GPC6: variants seen among roughly 807,000 people sequenced by gnomAD.
GPC6 encodes glypican-6.
GPC6 carries 14 observed loss-of-function variants against 55.2 expected under a neutral mutation model. The observed-to-expected ratio is 0.25, with a 90% CI of 0.17 to 0.40. GPC6 has a LOEUF of 0.40. Ranked by LOEUF, GPC6 falls within the 10% of genes least tolerant of loss-of-function variation. The pLI, the probability that GPC6 is intolerant of heterozygous loss-of-function variation, is 1.00. For missense variants in GPC6, 641 were observed against 708.5 expected (o/e 0.90, Z 1.08); for synonymous variants, 278 against 259.6 (o/e 1.07, Z -0.68).
At chr13:93,633,195 A>C (rs1879534439) in intron 2 of GPC6, among the ~76,000 whole-genome samples, 1 of 152,192 alleles carries the variant, frequency 6.6e-6, no homozygotes, top group African/African-American at 2.4e-5. Flanking sequence ...ATGTGACTTC[A>C]AGGTAACTGA....
At chr13:93,827,181 T>G (rs1188525799) in intron 2 of GPC6, among the ~76,000 whole-genome samples, 3 of 152,342 alleles carry the variant, frequency 2.0e-5, no homozygotes, top group Admixed American at 1.3e-4. Flanking sequence ...TGCTTTGTCC[T>G]CTTCCATTAA....
At chr13:93,939,841 A>G (rs1032403137) in intron 3 of GPC6, among the ~76,000 whole-genome samples, 6 of 152,294 alleles carry the variant, frequency 3.9e-5, no homozygotes, top group African/African-American at 1.4e-4. Context: ...TGTATTATAT[A>G]CATTATCATA....
intron 3 of GPC6, among the ~76,000 whole-genome samples, chr13:93,883,759 C>T (rs1279402722): frequency 6.6e-6 from 1 of 151,994 alleles, no homozygotes; most frequent in Non-Finnish European, 1.5e-5. Context: ...TTTTGACTGC[C>T]AGGTGACTGT....
At position 94,398,482 on chromosome 13, in the gene GPC6, A is replaced by G; in HGVS notation, c.1306A>G (p.Met436Val). 6.2e-7 allele frequency: 1 copy of G among 1,613,514 alleles called. No individual in the cohort carries two copies. Among genetic ancestry groups the G allele is most frequent in the Non-Finnish European group, 8.5e-7 (1 of 1,179,440 alleles). Residue 436 changes from methionine (M) to valine (V), a missense_variant, in exon 8 of 9, where the codon ATG becomes GTG. Met to Val is a conservative substitution (Grantham distance 21). Coordinates refer to ENST00000377047, the MANE Select transcript of GPC6 (RefSeq NM_005708.5). ...HSKARYLPEI[M>V]NDGLTNQINN... ...GCCTTGCAGATACTTGCCTGAGATC[A>G]TGAATGATGGGCTCACCAACCAGAT...
intron 1 of GPC6, among the ~76,000 whole-genome samples, chr13:93,362,025 C>G (rs1207753486): frequency 6.6e-6 from 1 of 152,184 alleles, no homozygotes; most frequent in East Asian, 1.9e-4. Context: ...TGAAGGAGAA[C>G]TGTGTTTTGT....
At chr13:93,911,379 G>A (rs1326537613) in intron 3 of GPC6, among the ~76,000 whole-genome samples, 4 of 150,988 alleles carry the variant, frequency 2.6e-5, no homozygotes, top group East Asian at 2.0e-4. Flanking sequence ...TTTATAGAAC[G>A]TAACTACCAT....
chr13:94,342,969 G>A (rs1357584834), intron 6 of GPC6, among the ~76,000 whole-genome samples: 1 of 152,174 alleles, frequency 6.6e-6, no homozygotes, highest in Non-Finnish European at 1.5e-5. Context: ...TCACCCTGAA[G>A]TATGAGGTTT....
intron 2 of GPC6, among the ~76,000 whole-genome samples, chr13:93,562,774 T>C (rs1875879063): frequency 6.6e-6 from 1 of 152,144 alleles, no homozygotes; most frequent in African/African-American, 2.4e-5. Context: ...CCAGGCCCTA[T>C]TTTAGGTGCT....
intron 1 of GPC6, among the ~76,000 whole-genome samples, chr13:93,294,231 A>G (rs370010607): frequency 4.1e-4 from 63 of 152,336 alleles, no homozygotes; most frequent in African/African-American, 1.4e-3. Context: ...GTTTTGACAA[A>G]TGTCTACATT....
intron 4 of GPC6, among the ~76,000 whole-genome samples, chr13:94,133,186 C>G (rs1235585197): frequency 8.3e-6 from 1 of 120,188 alleles, no homozygotes; most frequent in Non-Finnish European, 1.9e-5. Flanking sequence ...AAGAATTAGA[C>G]AACGACTATA....
At chr13:93,577,766 A>G (rs2139483890) in intron 2 of GPC6, among the ~76,000 whole-genome samples, 1 of 152,088 alleles carries the variant, frequency 6.6e-6, no homozygotes, top group South Asian at 2.1e-4. Context: ...GAGTGGTGAA[A>G]GTGGACATCC....
At chr13:93,736,022 C>G (rs1244427522) in intron 2 of GPC6, among the ~76,000 whole-genome samples, 1 of 152,200 alleles carries the variant, frequency 6.6e-6, no homozygotes, top group Non-Finnish European at 1.5e-5. Flanking sequence ...AGTATACATC[C>G]TGAAAAGGAT....
At chr13:94,369,691 A>T (rs943188539) in intron 6 of GPC6, among the ~76,000 whole-genome samples, 6 of 152,218 alleles carry the variant, frequency 3.9e-5, no homozygotes, top group African/African-American at 1.4e-4. Flanking sequence ...CATTTAAGAC[A>T]ATAGTAGTCT....
At chr13:93,492,514 TC>T (rs1331963489) in intron 1 of GPC6, among the ~76,000 whole-genome samples, 1 of 150,034 alleles carries the variant, frequency 6.7e-6, no homozygotes, top group Non-Finnish European at 1.5e-5. Flanking sequence ...ACCCTTTATT[TC>T]CTTCTCCTGC....
chr13:94,163,712 G>A (rs1007855303), intron 4 of GPC6, among the ~76,000 whole-genome samples: 3 of 152,188 alleles, frequency 2.0e-5, no homozygotes, highest in African/African-American at 7.2e-5. Context: ...GGGCTGGGTG[G>A]TTCAAGAGAG....
chr13:93,793,671 A>T (rs1566538846), intron 2 of GPC6, among the ~76,000 whole-genome samples: 1 of 152,206 alleles, frequency 6.6e-6, no homozygotes, highest in Non-Finnish European at 1.5e-5. Flanking sequence ...ATTCCTAATA[A>T]CTACTTTTAT....
At chr13:93,322,906 A>T (rs1879508491) in intron 1 of GPC6, among the ~76,000 whole-genome samples, 1 of 151,972 alleles carries the variant, frequency 6.6e-6, no homozygotes. Context: ...CGTCATCTAC[A>T]TTAGGTATTT....
At chr13:93,678,212 A>G (rs1455116521) in intron 2 of GPC6, among the ~76,000 whole-genome samples, 1 of 152,096 alleles carries the variant, frequency 6.6e-6, no homozygotes, top group East Asian at 1.9e-4. Flanking sequence ...ACTTTTTTCT[A>G]AGGTGGCTTT....
chr13:94,018,919 G>GT, intron 3 of GPC6, among the ~76,000 whole-genome samples: 1 of 152,298 alleles, frequency 6.6e-6, no homozygotes, highest in Non-Finnish European at 1.5e-5. Flanking sequence ...AGGTGGAACA[G>GT]TTTCATCCCA....
Sources: allele counts gnomAD v4.1 joint callset (sites outside exome capture counted in the v4.1 genomes callset), GRCh38; gene constraint gnomAD v4.1.1; transcripts MANE v1.5; gene names NCBI Gene and HGNC (gene_info 2026-07-23, HGNC 2026-07-21).